Variants in EYA4 observed in about 807,000 individuals in gnomAD.
EYA4 encodes protein phosphatase EYA4.
Under a neutral mutation model 87.9 loss-of-function variants are expected in EYA4, and 31 were observed. The ratio of observed to expected loss-of-function variants is 0.35; its 90% confidence interval spans 0.27 to 0.48. EYA4 has a LOEUF of 0.48. EYA4 is among the 20% of genes least tolerant of loss of function. EYA4 has a pLI of 0.99. For synonymous variants in EYA4, 263 were observed against 270.6 expected (o/e 0.97, Z 0.28); for missense variants, 678 against 761.4 (o/e 0.89, Z 1.29).
intron 3 of EYA4, among the ~76,000 whole-genome samples, chr6:133,439,910 G>A (rs908639730): frequency 1.3e-5 from 2 of 152,156 alleles, no homozygotes; most frequent in Non-Finnish European, 2.9e-5. Flanking sequence ...GGGCTTAAAG[G>A]TTATCTCCCA....
At chr6:133,303,988 G>A (rs9493588) in intron 2 of EYA4, among the ~76,000 whole-genome samples, 5,765 of 152,216 alleles carry the variant, frequency 0.038, 317 homozygotes, top group African/African-American at 0.12. Context: ...ATCTTCAGCC[G>A]TTCCTGGAGT....
chr6:133,527,174 G>T (rs1401743410), intron 19 of EYA4, among the ~76,000 whole-genome samples: 1 of 152,168 alleles, frequency 6.6e-6, no homozygotes, highest in Non-Finnish European at 1.5e-5. Flanking sequence ...AAACAGAGGT[G>T]ATTGGTTTCT....
intron 17 of EYA4, among the ~76,000 whole-genome samples, chr6:133,520,504 G>C (rs1252448140): frequency 3.8e-4 from 47 of 122,224 alleles, no homozygotes; most frequent in African/African-American, 1.4e-3. Flanking sequence ...ACAAATGGAA[G>C]AACATTCCAT....
chr6:133,487,105 T>C lies in EYA4; in HGVS notation c.1191+3990T>C, dbSNP rs1224201236. Among the ~76,000 whole-genome samples the C allele has an allele frequency of 2.0e-5, 3 of 152,114 alleles. No homozygotes were observed. The East Asian group carries it at 5.8e-4, about 29-fold the overall frequency. ...TGGGGGAGGGAGAGCTCAGTGAGTG[T>C]AGGTTTTTGCATTGGAACTCAGTGA... On this transcript the variant is annotated intron_variant, in intron 13 of 19. Transcript: ENST00000355286.
chr6:133,501,467 T>A (rs1004172121), intron 13 of EYA4, among the ~76,000 whole-genome samples: 1 of 152,148 alleles, frequency 6.6e-6, no homozygotes, highest in East Asian at 1.9e-4. Context: ...CAGTTCCTCC[T>A]AAGAACCTGT....
chr6:133,246,828 C>T (rs1324574818), intron 1 of EYA4: 2 of 151,972 alleles, frequency 1.3e-5, no homozygotes, highest in African/African-American at 2.4e-5. Context: ...TTAACTATGC[C>T]GTAAATTAGG....
chr6:133,409,899 T>C (rs1438002082), intron 3 of EYA4, among the ~76,000 whole-genome samples: 1 of 152,204 alleles, frequency 6.6e-6, no homozygotes, highest in Non-Finnish European at 1.5e-5. Flanking sequence ...CTTATCATTT[T>C]ACTAAGTATA....
At chr6:133,462,025 C>T in intron 7 of EYA4, 1 of 395,006 alleles carries the variant, frequency 2.5e-6, no homozygotes, top group South Asian at 2.2e-5. Flanking sequence ...AACTGGAGTG[C>T]TATTTCAGAT....
chr6:133,258,568 G>C (rs537929510), intron 1 of EYA4, among the ~76,000 whole-genome samples: 2 of 152,074 alleles, frequency 1.3e-5, no homozygotes, highest in African/African-American at 4.8e-5. Context: ...TTCAGAGTAC[G>C]TAGTGATGAC....
intron 2 of EYA4, among the ~76,000 whole-genome samples, chr6:133,308,050 T>C (rs1582910710): frequency 6.6e-6 from 1 of 152,178 alleles, no homozygotes; most frequent in Admixed American, 6.5e-5. Context: ...CCTGCTGCCA[T>C]GTAAGATGTG....
intron 2 of EYA4, among the ~76,000 whole-genome samples, chr6:133,294,910 A>G (rs1316039209): frequency 5.9e-5 from 9 of 152,104 alleles, no homozygotes; most frequent in Admixed American, 3.9e-4. Context: ...GTAGATGTCA[A>G]CGTTGCATTT....
chr6:133,395,725 C>T (rs1456178077), intron 3 of EYA4, among the ~76,000 whole-genome samples: 1 of 152,134 alleles, frequency 6.6e-6, no homozygotes, highest in Non-Finnish European at 1.5e-5. Flanking sequence ...TGTGCCATTG[C>T]ACTCCAGCCT....
intron 13 of EYA4, among the ~76,000 whole-genome samples, chr6:133,484,835 A>G (rs1796552246): frequency 6.6e-6 from 1 of 152,184 alleles, no homozygotes; most frequent in African/African-American, 2.4e-5. Flanking sequence ...CTAAATATCC[A>G]TGTTGCCCCC....
intron 2 of EYA4, among the ~76,000 whole-genome samples, chr6:133,364,357 G>A (rs951015092): frequency 6.6e-6 from 1 of 152,174 alleles, no homozygotes; most frequent in Non-Finnish European, 1.5e-5. Context: ...AAAGCAATGG[G>A]AATCAAGCTG....
chr6:133,321,458 A>G (rs1435928552), intron 2 of EYA4, among the ~76,000 whole-genome samples: 1 of 152,074 alleles, frequency 6.6e-6, no homozygotes, highest in Non-Finnish European at 1.5e-5. Flanking sequence ...TCATGTTTTA[A>G]ATTTATAATG....
chr6:133,313,482 T>C (rs1242998405), intron 2 of EYA4, among the ~76,000 whole-genome samples: 1 of 152,186 alleles, frequency 6.6e-6, no homozygotes, highest in East Asian at 1.9e-4. Context: ...TTTAATTTTA[T>C]CTCCCATTCC....
chr6:133,417,947 T>C (rs994550203), intron 3 of EYA4, among the ~76,000 whole-genome samples: 1 of 152,314 alleles, frequency 6.6e-6, no homozygotes, highest in Admixed American at 6.5e-5. Flanking sequence ...AAACCTGTTA[T>C]ATCAGTCTAT....
chr6:133,274,141 A>G (rs1219247989), intron 1 of EYA4, among the ~76,000 whole-genome samples: 2 of 152,172 alleles, frequency 1.3e-5, no homozygotes, highest in Non-Finnish European at 2.9e-5. Flanking sequence ...TTATCTCACC[A>G]TAGTGTATTA....
intron 5 of EYA4, among the ~76,000 whole-genome samples, chr6:133,454,493 A>G (rs991330124): frequency 6.6e-6 from 1 of 152,186 alleles, no homozygotes; most frequent in Non-Finnish European, 1.5e-5. Context: ...CTCAAATTCT[A>G]GCTCTTACAA....
Sources: gnomAD v4.1 joint callset for allele counts (sites outside exome capture counted in the v4.1 genomes callset) on GRCh38, gnomAD v4.1.1 for gene constraint, MANE v1.5 for transcripts, NCBI Gene and HGNC (gene_info 2026-07-23, HGNC 2026-07-21) for gene names.